CLEC19A: variants seen among roughly 807,000 people sequenced by gnomAD.
The protein encoded by CLEC19A is C-type lectin domain family 19 member A.
In CLEC19A, 21 loss-of-function variants were observed where a neutral mutation model predicts 26.1. The ratio of observed to expected loss-of-function variants is 0.80; its 90% CI spans 0.57 to 1.16. CLEC19A has a LOEUF of 1.16. Among genes scored for constraint, CLEC19A ranks in the 50% most tolerant of loss-of-function variants. The pLI, the probability that CLEC19A is intolerant of heterozygous loss-of-function variation, is 0.00. For missense variants in CLEC19A, 224 were observed against 227.6 expected (o/e 0.98, Z 0.10); for synonymous variants, 89 against 88.6 (o/e 1.00, Z -0.03).
intron 1 of CLEC19A, among the ~76,000 whole-genome samples, chr16:19,294,405 C>A (rs373771243): frequency 2.0e-5 from 3 of 152,274 alleles, no homozygotes; most frequent in African/African-American, 7.2e-5. Context: ...CATCAGCCTT[C>A]GTAATGCTTG....
chr16:19,299,615 A>G (rs767309349), intron 2 of CLEC19A, among the ~76,000 whole-genome samples: 2 of 152,126 alleles, frequency 1.3e-5, no homozygotes, highest in African/African-American at 4.8e-5. Flanking sequence ...TTCCATCCCT[A>G]TCTTCTCCTC....
chr16:19,301,063 G>A (rs1897808746), intron 2 of CLEC19A, among the ~76,000 whole-genome samples: 1 of 152,246 alleles, frequency 6.6e-6, no homozygotes, highest in Non-Finnish European at 1.5e-5. Flanking sequence ...ATTGGCACTT[G>A]TAAAGACAGA....
chr16:19,301,744 T>TTG (rs1331758118), intron 2 of CLEC19A, among the ~76,000 whole-genome samples: 4 of 99,594 alleles, frequency 4.0e-5, no homozygotes, highest in East Asian at 9.0e-4. Flanking sequence ...TGGTTTTTTT[T>TTG]TTTTTTTTTT....
chr16:19,298,795 T>C lies in CLEC19A; in HGVS notation c.211T>C (p.Phe71Leu). Residue 71 changes from phenylalanine (F) to leucine (L), a missense_variant, in exon 2 of 5, where the codon TTC (phenylalanine) becomes CTC (leucine). By Grantham distance (22) the Phe-to-Leu change is conservative (BLOSUM62 0). Coordinates refer to ENST00000636231, the MANE Select transcript of CLEC19A (RefSeq NM_001256720.2). ...WAEADLYCSE[F>L]SVGRKSAKLA... The stretch of plus-strand genomic sequence containing the variant: ...TGAGGCCGACCTCTACTGTTCTGAG[T>C]TCTCTGTGGGCAGGAAGTCCGCCAA... 6.4e-7 allele frequency: 1 copy of C among 1,550,664 alleles called. No individual in the cohort carries two copies. The highest frequency in any genetic ancestry group is 1.2e-5 in the South Asian group (1 of 84,050).
At chr16:19,297,217 C>T (rs1377294843) in intron 1 of CLEC19A, among the ~76,000 whole-genome samples, 1 of 152,096 alleles carries the variant, frequency 6.6e-6, no homozygotes, top group Admixed American at 6.6e-5. Flanking sequence ...TCCAGGAGTT[C>T]GATGGGCAAA....
Position 19,301,017 on chromosome 16 carries a change from G to T in CLEC19A, c.254+2179G>T, listed in dbSNP as rs528073489. ...AGCCCTATGAAAGGCATTCTTCAGGGATCAAATCTGCTATGAGAGCACAGC... is the reference window on the plus strand; with the variant it reads ...AGCCCTATGAAAGGCATTCTTCAGGTATCAAATCTGCTATGAGAGCACAGC... On this transcript the variant is annotated intron_variant, in intron 2 of 4. Coordinates refer to ENST00000636231, the MANE Select transcript of CLEC19A (RefSeq NM_001256720.2). Among the ~76,000 whole-genome samples the T allele has an allele frequency of 1.8e-3, 278 of 152,332 alleles. 2 individuals carry two copies. Among genetic ancestry groups the T allele is most frequent in the African/African-American group, 6.3e-3 (262 of 41,584 alleles).
At position 19,308,480 on chromosome 16, in the gene CLEC19A, A is replaced by C. The variant is rs190141401; in HGVS notation, c.482-524A>C. On this transcript the variant is annotated intron_variant, in intron 4 of 4. Coordinates refer to ENST00000636231, the MANE Select transcript of CLEC19A (RefSeq NM_001256720.2). ...GCCATGCTCAGTATTCAGTATTAGCAATCACCAGCATCATCATGAATCATC... is the reference window on the plus strand; with the variant it reads ...GCCATGCTCAGTATTCAGTATTAGCCATCACCAGCATCATCATGAATCATC... Among the ~76,000 whole-genome samples the C allele has an allele frequency of 4.6e-5, 7 of 152,358 alleles. No homozygotes were observed. The East Asian group carries it at 1.3e-3, about 29-fold the overall frequency.
intron 3 of CLEC19A, among the ~76,000 whole-genome samples, chr16:19,305,816 G>T (rs1169549989): frequency 2.0e-5 from 3 of 151,908 alleles, no homozygotes; most frequent in Non-Finnish European, 4.4e-5. Flanking sequence ...TCAGACCTGA[G>T]TTTTTTTGGG....
chr16:19,304,915 G>A (rs1897919460), intron 3 of CLEC19A: 1 of 152,446 alleles, frequency 6.6e-6, no homozygotes, highest in African/African-American at 2.4e-5. Flanking sequence ...GTCTTGGCTA[G>A]GCCAATGGGG....
chr16:19,301,826 C>T (rs1475328257), intron 2 of CLEC19A, among the ~76,000 whole-genome samples: 15 of 139,878 alleles, frequency 1.1e-4, no homozygotes, highest in Admixed American at 6.3e-4. Flanking sequence ...CTCTTGACCT[C>T]GTGATCTGCC....
intron 1 of CLEC19A, among the ~76,000 whole-genome samples, chr16:19,288,572 A>T (rs1597078105): frequency 6.6e-6 from 1 of 152,166 alleles, no homozygotes; most frequent in South Asian, 2.1e-4. Context: ...GAGGAAAAAA[A>T]ACTTTTTAGA....
chr16:19,285,906 G>A lies in CLEC19A; in HGVS notation c.55G>A (p.Ala19Thr). The change falls in exon 1 of 5, where the codon GCC (alanine) becomes ACC (threonine). Residue 19 changes from alanine (A) to threonine (T), a missense_variant. Ala to Thr is a moderately conservative substitution (Grantham distance 58). Transcript: ENST00000636231. ...AAFLTLHSAQ[A>T]FPQTDISISP... Reference sequence around the variant, plus strand: ...CTTCCTGACCCTCCACTCTGCACAGGCCTTTCCACAAACAGACATCAGTAT... The same window carrying A: ...CTTCCTGACCCTCCACTCTGCACAGACCTTTCCACAAACAGACATCAGTAT... The A allele has an allele frequency of 1.3e-6, 2 of 1,550,550 alleles. No homozygotes were observed. Among genetic ancestry groups the A allele is most frequent in the Non-Finnish European group, 1.7e-6 (2 of 1,146,994 alleles).
intron 1 of CLEC19A, among the ~76,000 whole-genome samples, chr16:19,288,409 A>T (rs1231213430): frequency 6.6e-6 from 1 of 152,108 alleles, no homozygotes; most frequent in Non-Finnish European, 1.5e-5. Context: ...TTGGTTTTTC[A>T]TCTTCTTCTG....
chr16:19,307,787 G>A, intron 4 of CLEC19A, 110 bp downstream of exon 4: 1 of 1,427,348 alleles, frequency 7.0e-7, no homozygotes, highest in Non-Finnish European at 9.4e-7. Flanking sequence ...GCCTGAGACT[G>A]GCAAATTGTT....
At chr16:19,301,756 T>TTTTTTTTTTTTTTTTTTTTTTTTTTG (rs1897837910) in intron 2 of CLEC19A, among the ~76,000 whole-genome samples, 1 of 132,498 alleles carries the variant, frequency 7.5e-6, no homozygotes, top group African/African-American at 2.8e-5. Flanking sequence ...TTTTTTTTTT[T>TTTTTTTTTTTTTTTTTTTTTTTTTTG]TTTTTTTTGT....
chr16:19,293,912 A>G (rs1163523112), intron 1 of CLEC19A, among the ~76,000 whole-genome samples: 3 of 152,154 alleles, frequency 2.0e-5, no homozygotes, highest in Admixed American at 2.0e-4. Context: ...AAACACTCCA[A>G]TTATATTCTT....
At chr16:19,303,916 A>G (rs1567256222) in intron 2 of CLEC19A, 146 bp from the exon 3 acceptor site, 3 of 632,656 alleles carry the variant, frequency 4.7e-6, no homozygotes, top group Non-Finnish European at 8.1e-6. Flanking sequence ...CATATGGGTG[A>G]CTTAATGAAA....
At position 19,285,886 on chromosome 16, in the gene CLEC19A, T is replaced by A. The variant is rs1285357537; in HGVS notation, c.35T>A (p.Leu12Gln). ...QRWTLWAAAF[L>Q]TLHSAQAFPQ... ...TGGACACTGTGGGCTGCAGCCTTCC[T>A]GACCCTCCACTCTGCACAGGCCTTT... The change falls in exon 1 of 5, where the codon CTG (leucine) becomes CAG (glutamine). Residue 12 changes from leucine to glutamine, a missense_variant. Leu to Gln is a moderately radical substitution (Grantham distance 113, BLOSUM62 -2). Coordinates refer to ENST00000636231, the MANE Select transcript of CLEC19A (RefSeq NM_001256720.2). The A allele has an allele frequency of 6.4e-7, 1 of 1,550,440 alleles. No individual in the cohort carries two copies.
At chr16:19,287,051 A>G (rs567672595) in intron 1 of CLEC19A, among the ~76,000 whole-genome samples, 3 of 142,952 alleles carry the variant, frequency 2.1e-5, no homozygotes, top group Admixed American at 7.1e-5. Context: ...TTAATCTAGC[A>G]TCCCTAGTGG....
Sources: gnomAD v4.1 joint callset for allele counts (sites outside exome capture counted in the v4.1 genomes callset) on GRCh38, gnomAD v4.1.1 for gene constraint, MANE v1.5 for transcripts, NCBI Gene and HGNC (gene_info 2026-07-23, HGNC 2026-07-21) for gene names.